ROBO2: variants seen among roughly 807,000 people sequenced by gnomAD.
ROBO2 encodes roundabout guidance receptor 2, also known as roundabout homolog 2.
In ROBO2, 53 loss-of-function variants were observed where a neutral mutation model predicts 160.8. The observed-to-expected ratio is 0.33, with a 90% CI of 0.26 to 0.41. The LOEUF is 0.41. Among genes scored for constraint, ROBO2 ranks in the 10% least tolerant of loss-of-function variants. ROBO2 has a pLI of 1.00. For synonymous variants in ROBO2, 664 were observed against 611.7 expected, an observed-to-expected ratio of 1.09 and a Z score of -1.26; for missense variants, 1,577 against 1,722.4, an observed-to-expected ratio of 0.92 and a Z score of 1.49.
At chr3:77,378,742 G>T (rs1346831776) in intron 2 of ROBO2, among the ~76,000 whole-genome samples, 1 of 152,050 alleles carries the variant, frequency 6.6e-6, no homozygotes, top group Non-Finnish European at 1.5e-5. Flanking sequence ...TCTCTGAACC[G>T]GTGTTAGATT....
At chr3:77,085,144 T>C (rs1047612571) in intron 1 of ROBO2, among the ~76,000 whole-genome samples, 4 of 152,112 alleles carry the variant, frequency 2.6e-5, no homozygotes, top group Non-Finnish European at 5.9e-5. Context: ...TAACTCAAGT[T>C]TGCAATCTAA....
chr3:76,727,969 T>G (rs1029629014), intron 2 of ROBO2, among the ~76,000 whole-genome samples: 1 of 152,106 alleles, frequency 6.6e-6, no homozygotes, highest in South Asian at 2.1e-4. Flanking sequence ...TACCCTGATT[T>G]GATTGTTACA....
At chr3:77,056,210 T>C (rs537839194) in intron 1 of ROBO2, among the ~76,000 whole-genome samples, 30 of 152,312 alleles carry the variant, frequency 2.0e-4, no homozygotes, top group Non-Finnish European at 3.4e-4. Flanking sequence ...GTTTCCCAGC[T>C]TTTTTCTCTA....
chr3:76,208,058 T>C (rs921544396), intron 2 of ROBO2, among the ~76,000 whole-genome samples: 2 of 152,210 alleles, frequency 1.3e-5, no homozygotes, highest in Non-Finnish European at 2.9e-5. Flanking sequence ...CCCTGTGAAC[T>C]GCTCTCCCCT....
At chr3:76,822,973 C>T (rs927266658) in intron 2 of ROBO2, among the ~76,000 whole-genome samples, 10 of 151,974 alleles carry the variant, frequency 6.6e-5, no homozygotes, top group South Asian at 2.1e-4. Context: ...TATAAAACTA[C>T]GAGAAATGGT....
At chr3:76,037,795 C>T (rs1026302914) in intron 2 of ROBO2, among the ~76,000 whole-genome samples, 1 of 151,980 alleles carries the variant, frequency 6.6e-6, no homozygotes, top group African/African-American at 2.4e-5. Context: ...TATTATAGAA[C>T]AAAATCCTTA....
rs556443614 is a variant in ROBO2 at position 76,796,690 on chromosome 3, G to A, written c.110-301324G>A. 1.1e-4 allele frequency among the ~76,000 whole-genome samples: 16 copies of A among 151,964 alleles called. No homozygotes were observed. In the South Asian group the frequency reaches 2.3e-3, roughly 22 times the overall value. The stretch of plus-strand genomic sequence containing the variant: ...GGTTAAAAAACAAGACCCAACAATC[G>A]GTTGCCTATAAAAATACACTTCACC... On this transcript the variant is annotated intron_variant, in intron 2 of 26. Coordinates refer to the ROBO2 transcript ENST00000487694.
intron 2 of ROBO2, among the ~76,000 whole-genome samples, chr3:76,309,418 C>A (rs1335296934): frequency 3.3e-5 from 5 of 152,100 alleles, no homozygotes; most frequent in African/African-American, 4.8e-5. Context: ...TAAACTAAGG[C>A]ACAATGTGAG....
chr3:76,726,193 A>G (rs1250093502), intron 2 of ROBO2, among the ~76,000 whole-genome samples: 3 of 152,088 alleles, frequency 2.0e-5, no homozygotes, highest in South Asian at 4.1e-4. Context: ...TACTGTTTCC[A>G]GGCTGATCTT....
At chr3:76,599,246 C>T (rs890840393) in intron 2 of ROBO2, among the ~76,000 whole-genome samples, 2 of 152,010 alleles carry the variant, frequency 1.3e-5, no homozygotes, top group African/African-American at 2.4e-5. Flanking sequence ...TTAAGTAGGC[C>T]CCAGTGTCTG....
chr3:77,117,285 A>G (rs1392156827), intron 2 of ROBO2, among the ~76,000 whole-genome samples: 1 of 152,236 alleles, frequency 6.6e-6, no homozygotes, highest in Non-Finnish European at 1.5e-5. Context: ...AATTTAAGGC[A>G]TTAAAATAAT....
intron 2 of ROBO2, among the ~76,000 whole-genome samples, chr3:77,138,431 G>C (rs1451739402): frequency 6.6e-6 from 1 of 152,152 alleles, no homozygotes; most frequent in Non-Finnish European, 1.5e-5. Context: ...AAGATGATGA[G>C]AGAATCATGA....
intron 1 of ROBO2, among the ~76,000 whole-genome samples, chr3:77,076,550 C>T (rs1057416863): frequency 3.3e-5 from 5 of 151,926 alleles, no homozygotes; most frequent in African/African-American, 1.2e-4. Flanking sequence ...ATTTTTCTCT[C>T]ATTTTAAGCT....
chr3:76,947,008 C>T (rs1351466162), intron 2 of ROBO2, among the ~76,000 whole-genome samples: 1 of 152,050 alleles, frequency 6.6e-6, no homozygotes, highest in Non-Finnish European at 1.5e-5. Context: ...TTAATTGTTT[C>T]GGGTGGGAGA....
chr3:77,409,221 T>C (rs2076507836), intron 2 of ROBO2, among the ~76,000 whole-genome samples: 1 of 151,736 alleles, frequency 6.6e-6, no homozygotes, highest in Non-Finnish European at 1.5e-5. Flanking sequence ...TAGTTTCTGC[T>C]TGAGACTCTA....
chr3:75,923,863 G>T (rs1449780892), intron 1 of ROBO2, among the ~76,000 whole-genome samples: 1 of 152,142 alleles, frequency 6.6e-6, no homozygotes, highest in Non-Finnish European at 1.5e-5. Flanking sequence ...GCCTTTTGTG[G>T]CATAACAGCT....
chr3:76,798,444 A>G lies in ROBO2; in HGVS notation c.110-299570A>G, dbSNP rs2063942405. On this transcript the variant is annotated intron_variant, in intron 2 of 26. Transcript: ENST00000487694. ...TTCAGCATGACCAATAGGGATTCAT[A>G]CCAGTGGTGCAAGGATAGTTCAACA... Among the ~76,000 whole-genome samples, 2 of 152,222 alleles carry G rather than the reference A, an allele frequency of 1.3e-5. 1 individual carries two copies. The highest frequency in any genetic ancestry group is 4.1e-4 in the South Asian group (2 of 4,834).
intron 1 of ROBO2, among the ~76,000 whole-genome samples, chr3:77,066,814 A>T (rs1361996274): frequency 6.6e-6 from 1 of 152,152 alleles, no homozygotes; most frequent in Non-Finnish European, 1.5e-5. Context: ...TAGTACAGTT[A>T]CTTAATTATC....
intron 6 of ROBO2, among the ~76,000 whole-genome samples, chr3:77,524,459 T>A (rs1301738410): frequency 6.6e-6 from 1 of 151,414 alleles, no homozygotes; most frequent in Non-Finnish European, 1.5e-5. Context: ...AAGTTTTCTT[T>A]TTCTTTTTTT....
Sources: gnomAD v4.1 joint callset for allele counts (sites outside exome capture counted in the v4.1 genomes callset) on GRCh38, gnomAD v4.1.1 for gene constraint, MANE v1.5 for transcripts, NCBI Gene and HGNC (gene_info 2026-07-23, HGNC 2026-07-21) for gene names.